PAX2: variants seen among roughly 807,000 people sequenced by gnomAD.
The protein encoded by PAX2 is paired box protein Pax-2.
In PAX2, 9 loss-of-function variants were observed where a neutral mutation model predicts 41.7. That is an observed-to-expected ratio of 0.22 (90% CI 0.13 to 0.38). The LOEUF is 0.38. Among genes scored for constraint, PAX2 ranks in the 10% least tolerant of loss-of-function variants. The pLI is 1.00. For synonymous variants in PAX2, 221 were observed against 212.7 expected (o/e 1.04, Z -0.34); for missense variants, 418 against 531.6 (o/e 0.79, Z 2.10).
At chr10:100,786,465 GT>G (rs1348863321) in intron 5 of PAX2, among the ~76,000 whole-genome samples, 1 of 152,188 alleles carries the variant, frequency 6.6e-6, no homozygotes, top group Non-Finnish European at 1.5e-5. Context: ...ATGTATGTTT[GT>G]TTTATAAACC....
chr10:100,781,799 A>G (rs1477764594), intron 5 of PAX2, among the ~76,000 whole-genome samples: 2 of 152,028 alleles, frequency 1.3e-5, no homozygotes, highest in African/African-American at 2.4e-5. Context: ...TCTCTTTAAC[A>G]CCTGCACACC....
At position 100,747,826 on chromosome 10, in the gene PAX2, G is replaced by C. The variant is rs574636696; in HGVS notation, c.43+1523G>C. On this transcript the variant is annotated intron_variant, in intron 1 of 9. Coordinates refer to ENST00000355243, the MANE Select transcript of PAX2 (RefSeq NM_000278.5). ...GGGAGGAGTGGAACCGGGTCCACAC[G>C]CCGTTTTCGCCCAGCCAGCCTGCCT... 38 of 985,072 alleles carry C rather than the reference G, an allele frequency of 3.9e-5. No individual in the cohort carries two copies. In the African/African-American group the frequency reaches 6.6e-4, roughly 17 times the overall value. 61.0% of individuals were successfully genotyped at this position (985,072 alleles called of 1,614,324 possible). A position where few individuals can be genotyped will look rare whatever the true frequency, so the allele number is the denominator to read the frequency against.
intron 1 of PAX2, among the ~76,000 whole-genome samples, chr10:100,736,020 C>T (rs866769877): frequency 5.8e-4 from 89 of 152,192 alleles, no homozygotes; most frequent in African/African-American, 2.1e-3. Context: ...AGGACTTTCT[C>T]GTTCTACTTT....
intron 3 of PAX2, among the ~76,000 whole-genome samples, chr10:100,761,621 T>G (rs1452816378): frequency 1.3e-5 from 2 of 152,254 alleles, no homozygotes; most frequent in Non-Finnish European, 2.9e-5. Context: ...CTAATTAAAT[T>G]TGTCCAGTGG....
chr10:100,821,045 C>G (rs904972105), intron 7 of PAX2, among the ~76,000 whole-genome samples: 2 of 152,196 alleles, frequency 1.3e-5, no homozygotes, highest in African/African-American at 4.8e-5. Flanking sequence ...TACAGCAAGG[C>G]CCAGTGCTCT....
chr10:100,801,112 G>C (rs1847547634), intron 5 of PAX2, among the ~76,000 whole-genome samples: 1 of 152,092 alleles, frequency 6.6e-6, no homozygotes, highest in African/African-American at 2.4e-5. Flanking sequence ...CAGCCACTCT[G>C]TCCGTCTATT....
upstream of PAX2, among the ~76,000 whole-genome samples, chr10:100,744,811 C>G (rs995257540): frequency 2.6e-5 from 4 of 152,200 alleles, no homozygotes; most frequent in Non-Finnish European, 4.4e-5. Context: ...GTCTTCAGCT[C>G]GATTCTGAAC....
At chr10:100,757,751 A>T (rs1462753698) in intron 3 of PAX2, among the ~76,000 whole-genome samples, 1 of 152,204 alleles carries the variant, frequency 6.6e-6, no homozygotes, top group Non-Finnish European at 1.5e-5. Flanking sequence ...GTTTGTGAGA[A>T]ATGCAGAGCT....
chr10:100,753,971 AATTTAT>A, intron 3 of PAX2, among the ~76,000 whole-genome samples: 2 of 152,152 alleles, frequency 1.3e-5, no homozygotes, highest in South Asian at 4.1e-4. Context: ...TAGCATGTGG[AATTTAT>A]CTGAATCTTT....
At chr10:100,770,035 G>C (rs1321696595) in intron 3 of PAX2, among the ~76,000 whole-genome samples, 1 of 152,200 alleles carries the variant, frequency 6.6e-6, no homozygotes, top group African/African-American at 2.4e-5. Flanking sequence ...AGTGATTGTA[G>C]GGTTTAGCCA....
chr10:100,792,263 G>C (rs1350257664), intron 5 of PAX2, among the ~76,000 whole-genome samples: 1 of 152,260 alleles, frequency 6.6e-6, no homozygotes, highest in Non-Finnish European at 1.5e-5. Context: ...ACGTGCACAA[G>C]CACATGGGTT....
chr10:100,756,960 T>C (rs1240146069), intron 3 of PAX2, among the ~76,000 whole-genome samples: 1 of 152,220 alleles, frequency 6.6e-6, no homozygotes, highest in East Asian at 1.9e-4. Context: ...TCACAACCAA[T>C]GCCCAAATAG....
At chr10:100,789,789 G>A (rs937493343) in intron 5 of PAX2, among the ~76,000 whole-genome samples, 60 of 152,314 alleles carry the variant, frequency 3.9e-4, no homozygotes, top group African/African-American at 1.1e-3. Context: ...CATACCTGAG[G>A]GGGGAGGTTT....
chr10:100,809,477 G>A (rs1012206412), intron 7 of PAX2, among the ~76,000 whole-genome samples: 1 of 152,266 alleles, frequency 6.6e-6, no homozygotes, highest in East Asian at 1.9e-4. Context: ...GCTGTTGCCA[G>A]TTCTTCCTCC....
At chr10:100,770,958 C>T (rs1846188226) in intron 3 of PAX2, among the ~76,000 whole-genome samples, 1 of 152,140 alleles carries the variant, frequency 6.6e-6, no homozygotes. Flanking sequence ...AGAAACCAAC[C>T]AGAAGGATGG....
At chr10:100,767,820 G>A (rs1037548666) in intron 3 of PAX2, among the ~76,000 whole-genome samples, 1 of 152,008 alleles carries the variant, frequency 6.6e-6, no homozygotes, top group Non-Finnish European at 1.5e-5. Flanking sequence ...ATAAAATATT[G>A]ACACTTTTTT....
intron 1 of PAX2, among the ~76,000 whole-genome samples, chr10:100,737,613 T>A (rs973854373): frequency 4.6e-5 from 7 of 152,198 alleles, no homozygotes; most frequent in African/African-American, 1.4e-4. Flanking sequence ...TCGAGGCGGC[T>A]CCGCAGAGCA....
chr10:100,785,274 C>T (rs140084379), intron 5 of PAX2, among the ~76,000 whole-genome samples: 2 of 152,296 alleles, frequency 1.3e-5, no homozygotes, highest in Non-Finnish European at 2.9e-5. Context: ...CAAAACATTG[C>T]TGTTCATCGG....
intron 5 of PAX2, among the ~76,000 whole-genome samples, chr10:100,788,700 G>C (rs2133914093): frequency 6.6e-6 from 1 of 152,326 alleles, no homozygotes; most frequent in African/African-American, 2.4e-5. Context: ...GAGAAGTTTT[G>C]CTGAGTACAC....
Sources: allele counts gnomAD v4.1 joint callset (sites outside exome capture counted in the v4.1 genomes callset), GRCh38; gene constraint gnomAD v4.1.1; transcripts MANE v1.5; gene names NCBI Gene and HGNC (gene_info 2026-07-23, HGNC 2026-07-21).